Variants in CDH18 observed in about 807,000 individuals in gnomAD.
The protein encoded by CDH18 is cadherin 18.
Under a neutral mutation model 67.9 loss-of-function variants are expected in CDH18, and 31 were observed. The ratio of observed to expected loss-of-function variants is 0.46; its 90% CI spans 0.34 to 0.62. The LOEUF is 0.62. Ranked by LOEUF, CDH18 falls within the 20% of genes least tolerant of loss-of-function variation. The probability of loss-of-function intolerance (pLI) is 0.01; values close to 1 mark genes in which losing one functional copy is unlikely to be tolerated. For missense variants in CDH18, 890 were observed against 975.5 expected, an observed-to-expected ratio of 0.91 and a Z score of 1.17; for synonymous variants, 362 against 347.2, an observed-to-expected ratio of 1.04 and a Z score of -0.48.
chr5:20,202,422 C>T (rs1024929737), intron 2 of CDH18, among the ~76,000 whole-genome samples: 3 of 152,042 alleles, frequency 2.0e-5, no homozygotes, highest in Non-Finnish European at 2.9e-5. Flanking sequence ...CTCAAAGTTG[C>T]TCTGTAGCTT....
At chr5:19,755,542 T>TA (rs1771490741) in intron 3 of CDH18, among the ~76,000 whole-genome samples, 1 of 133,580 alleles carries the variant, frequency 7.5e-6, no homozygotes, top group Admixed American at 8.1e-5. Flanking sequence ...GTTTTATATT[T>TA]TATATATATA....
rs1450566234 is a variant in CDH18 at position 19,968,908 on chromosome 5, A to C, written c.-257+12152T>G. On this transcript the variant is annotated intron_variant, in intron 2 of 12. Transcript: ENST00000382275. ...AACTACCATCAGAGTGAACAGGCAA[A>C]CTACAAAATGGGAGAAAATTTTCAC... Among the ~76,000 whole-genome samples, 161 of 141,692 alleles carry C rather than the reference A, an allele frequency of 1.1e-3. 1 individual carries two copies. The highest frequency in any genetic ancestry group is 1.6e-3 in the Non-Finnish European group (106 of 67,126). 93.0% of individuals were successfully genotyped at this position (141,692 alleles called of 152,430 possible). A position where few individuals can be genotyped will look rare whatever the true frequency, so the allele number is the denominator to read the frequency against.
intron 9 of CDH18, among the ~76,000 whole-genome samples, chr5:19,537,914 A>T (rs1054543354): frequency 6.6e-6 from 1 of 152,190 alleles, no homozygotes; most frequent in African/African-American, 2.4e-5. Flanking sequence ...ATACCAACAT[A>T]CTGGAATAGT....
chr5:19,619,468 G>A (rs1208989559), intron 5 of CDH18, among the ~76,000 whole-genome samples: 1 of 152,146 alleles, frequency 6.6e-6, no homozygotes, highest in African/African-American at 2.4e-5. Flanking sequence ...ATTGCATGGA[G>A]AAAGCAGGGT....
At chr5:20,168,122 C>T (rs1347741562) in intron 2 of CDH18, among the ~76,000 whole-genome samples, 1 of 152,108 alleles carries the variant, frequency 6.6e-6, no homozygotes, top group East Asian at 1.9e-4. Context: ...AGGTCCCCCA[C>T]TTTTTTAAAC....
chr5:20,304,803 C>T (rs1195739863), intron 1 of CDH18: 2 of 1,610,978 alleles, frequency 1.2e-6, no homozygotes, highest in Admixed American at 3.3e-5. Context: ...GTGTTTCAGC[C>T]GCAGCTTTGT....
intron 2 of CDH18, among the ~76,000 whole-genome samples, chr5:20,115,643 G>A (rs145545918): frequency 8.2e-4 from 124 of 152,014 alleles, no homozygotes; most frequent in South Asian, 3.1e-3. Flanking sequence ...TAGGCATTTC[G>A]TGGGAACACA....
At chr5:19,538,617 G>T (rs1027870003) in intron 9 of CDH18, among the ~76,000 whole-genome samples, 13 of 151,940 alleles carry the variant, frequency 8.6e-5, no homozygotes, top group African/African-American at 2.9e-4. Context: ...CAATGATTGG[G>T]CTCACCAAAC....
intron 2 of CDH18, among the ~76,000 whole-genome samples, chr5:20,043,800 C>G (rs890633214): frequency 3.9e-5 from 6 of 152,170 alleles, no homozygotes; most frequent in Non-Finnish European, 5.9e-5. Context: ...TATTTTTCCT[C>G]TGATCCAGTT....
intron 1 of CDH18, among the ~76,000 whole-genome samples, chr5:20,361,926 A>G (rs1308225980): frequency 6.6e-6 from 1 of 152,178 alleles, no homozygotes; most frequent in East Asian, 1.9e-4. Flanking sequence ...GAATATCAGT[A>G]AACGTTTAGT....
intron 2 of CDH18, among the ~76,000 whole-genome samples, chr5:19,925,852 C>T (rs1049032743): frequency 1.3e-5 from 2 of 152,062 alleles, no homozygotes; most frequent in Non-Finnish European, 2.9e-5. Flanking sequence ...ACTATCATTT[C>T]TTTTATGCAG....
At chr5:19,973,778 A>G (rs972712402) in intron 2 of CDH18, among the ~76,000 whole-genome samples, 1 of 152,056 alleles carries the variant, frequency 6.6e-6, no homozygotes, top group African/African-American at 2.4e-5. Context: ...CTGTCACTTA[A>G]TGAGCATAGA....
rs1770669953 is a variant in CDH18, at chr5:19,750,307, G to C, written c.229-3071C>G. Among the ~76,000 whole-genome samples, 3 of 152,148 alleles carry C rather than the reference G, an allele frequency of 2.0e-5. No homozygotes were observed. In the South Asian group the frequency reaches 6.2e-4, roughly 32 times the overall value. ...CAATATACACTTTGCAACAGGAATGGGGCCTGAGAGAAACCTTGAGTATTT... is the reference window on the plus strand; with the variant it reads ...CAATATACACTTTGCAACAGGAATGCGGCCTGAGAGAAACCTTGAGTATTT... On this transcript the variant is annotated intron_variant, in intron 3 of 12. Coordinates refer to ENST00000382275, the MANE Select transcript of CDH18 (RefSeq NM_004934.5).
Position 19,918,446 on chromosome 5 carries a change from C to T in CDH18, c.-257+62614G>A, listed in dbSNP as rs187975893. ...GGAAAAATCCAGGGAACATAAAACA[C>T]GCCACAACAATTTCTCTGCAAATGA... On this transcript the variant is annotated intron_variant, in intron 2 of 12. Coordinates refer to ENST00000382275, the MANE Select transcript of CDH18 (RefSeq NM_004934.5). Among the ~76,000 whole-genome samples the T allele has an allele frequency of 7.5e-4, 114 of 152,222 alleles. 2 individuals carry two copies. Among genetic ancestry groups the T allele is most frequent in the Middle Eastern group, 3.4e-3 (1 of 294 alleles).
chr5:19,779,659 A>C (rs906601946), intron 3 of CDH18, among the ~76,000 whole-genome samples: 1 of 152,180 alleles, frequency 6.6e-6, no homozygotes, highest in East Asian at 1.9e-4. Flanking sequence ...CCAAAGTTGC[A>C]CATCTTACTT....
intron 12 of CDH18, among the ~76,000 whole-genome samples, chr5:19,480,395 G>A (rs1006327882): frequency 2.3e-5 from 3 of 129,226 alleles, no homozygotes; most frequent in Non-Finnish European, 5.1e-5. Flanking sequence ...TTATTTATTT[G>A]AGATGGAGTC....
At chr5:20,131,111 C>T (rs1164173791) in intron 2 of CDH18, among the ~76,000 whole-genome samples, 1 of 151,988 alleles carries the variant, frequency 6.6e-6, no homozygotes, top group East Asian at 1.9e-4. Flanking sequence ...GATCCCATTG[C>T]CTAATCCCTT....
intron 2 of CDH18, among the ~76,000 whole-genome samples, chr5:19,965,133 T>C (rs1261455984): frequency 6.6e-6 from 1 of 152,172 alleles, no homozygotes; most frequent in Non-Finnish European, 1.5e-5. Context: ...TTGTAGTTTA[T>C]ATGTTTTCTA....
chr5:20,425,880 C>T (rs62352839), intron 1 of CDH18, among the ~76,000 whole-genome samples: 1 of 150,614 alleles, frequency 6.6e-6, no homozygotes, highest in Non-Finnish European at 1.5e-5. Context: ...TTTTAACTGG[C>T]TTGATAAAAC....
Sources: allele counts gnomAD v4.1 joint callset (sites outside exome capture counted in the v4.1 genomes callset), GRCh38; gene constraint gnomAD v4.1.1; transcripts MANE v1.5; gene names NCBI Gene and HGNC (gene_info 2026-07-23, HGNC 2026-07-21).